Variants in ZNF550 observed in about 807,000 individuals in gnomAD.
The protein encoded by ZNF550 is zinc finger protein 550.
In ZNF550, 42 loss-of-function variants were observed where a neutral mutation model predicts 40.2. The ratio of observed to expected loss-of-function variants is 1.05; its 90% CI spans 0.82 to 1.35. The LOEUF is 1.35. ZNF550 is among the 40% of genes most tolerant of loss of function. The probability of loss-of-function intolerance (pLI) is 0.00; values close to 1 mark genes in which losing one functional copy is unlikely to be tolerated. For synonymous variants in ZNF550, 223 were observed against 198.6 expected (o/e 1.12, Z -1.03); for missense variants, 549 against 525.2 (o/e 1.05, Z -0.44).
At chr19:57,550,782 A>G (rs1310476093) in intron 3 of ZNF550, among the ~76,000 whole-genome samples, 2 of 152,244 alleles carry the variant, frequency 1.3e-5, no homozygotes, top group South Asian at 4.1e-4. Context: ...TATTGTATAC[A>G]TAAGATTTTT....
chr19:57,547,629 G>C, exon 4 of ZNF550: 1 of 1,614,186 alleles, frequency 6.2e-7, no homozygotes. Context: ...CACACTGCTT[G>C]CATTTGTAGG....
intron 2 of ZNF550, 73 bp downstream of exon 2, chr19:57,556,158 G>C (rs190693691): frequency 6.2e-4 from 998 of 1,603,298 alleles, no homozygotes; most frequent in Non-Finnish European, 8.2e-4. Context: ...AAGGTGGGCA[G>C]TTCCAGTGAC....
chr19:57,547,647 C>G (rs1489799420), exon 4 of ZNF550: 5 of 1,614,024 alleles, frequency 3.1e-6, no homozygotes, highest in Non-Finnish European at 4.2e-6. Flanking sequence ...AGGGGTTTGT[C>G]CCTGCATGAA....
chr19:57,551,500 G>C (rs1410329355), intron 3 of ZNF550, among the ~76,000 whole-genome samples: 1 of 152,190 alleles, frequency 6.6e-6, no homozygotes, highest in Admixed American at 6.5e-5. Context: ...AAAATGAGCA[G>C]GACTAGGGAT....
At chr19:57,544,738 T>C in intron 4 of ZNF550, among the ~76,000 whole-genome samples, 1 of 152,192 alleles carries the variant, frequency 6.6e-6, no homozygotes, top group East Asian at 1.9e-4. Context: ...AGTGAGAAAA[T>C]GATAATTTTC....
At chr19:57,555,954 T>C in intron 2 of ZNF550, 2 of 410,770 alleles carry the variant, frequency 4.9e-6, no homozygotes, top group Non-Finnish European at 9.2e-6. Flanking sequence ...TTAATAGGGC[T>C]GTGGCCACAG....
intron 1 of ZNF550, 50 bp downstream of exon 1, chr19:57,559,606 C>G (rs1487656227): frequency 1.4e-6 from 2 of 1,450,930 alleles, no homozygotes; most frequent in South Asian, 1.3e-5. Context: ...CTCGTCGGGC[C>G]CGGGACACTG....
Position 57,555,664 on chromosome 19 carries a change from G to A in ZNF550, c.154+567C>T, listed in dbSNP as rs142327669. ...TGAGACTTTTATGACAAGAATTAGC[G>A]TGCTGGACAGAGAAAGTAAAAGGAA... On this transcript the variant is annotated intron_variant, in intron 2 of 4. Coordinates refer to ENST00000457177, the Ensembl canonical transcript of ZNF550. 2.2e-3 allele frequency: 359 copies of A among 161,522 alleles called. 4 individuals are homozygous for A. The highest frequency in any genetic ancestry group is 8.2e-3 in the African/African-American group (339 of 41,588). The allele number at this position is 161,522 out of a possible 1,614,324, so 10.0% of individuals were successfully genotyped here. A position where few individuals can be genotyped will look rare whatever the true frequency, so the allele number is the denominator to read the frequency against.
intron 4 of ZNF550, chr19:57,546,344 ATGTT>A (rs2090009034): frequency 7.1e-6 from 2 of 283,324 alleles, no homozygotes; most frequent in Non-Finnish European, 1.1e-5. Context: ...CAGTGAATGT[ATGTT>A]AAAAAAAAAA....
chr19:57,557,246 C>T (rs935255856), intron 1 of ZNF550: 13 of 151,862 alleles, frequency 8.6e-5, no homozygotes, highest in African/African-American at 3.1e-4. Context: ...GTGTAAAACC[C>T]GAGCGTACAT....
At chr19:57,551,476 G>A (rs1330069727) in intron 3 of ZNF550, among the ~76,000 whole-genome samples, 1 of 141,474 alleles carries the variant, frequency 7.1e-6, no homozygotes. Flanking sequence ...GGACTTAGGA[G>A]ATATGGATCA....
upstream of ZNF550, among the ~76,000 whole-genome samples, chr19:57,560,062 A>T (rs1223711477): frequency 6.6e-6 from 1 of 152,136 alleles, no homozygotes; most frequent in African/African-American, 2.4e-5. Flanking sequence ...ACTTCCTATT[A>T]TTCGGATGCC....
In ZNF550 at chr19:57,556,368, A is replaced by G. The variant is rs1454298477; in HGVS notation, c.28-11T>C. ...GAAGGTCACCAACATCTGGAAAGTCAAACAGAAGTAATGCTATTGGCCTTG... is the reference window on the plus strand; with the variant it reads ...GAAGGTCACCAACATCTGGAAAGTCGAACAGAAGTAATGCTATTGGCCTTG... On this transcript the variant is annotated splice_polypyrimidine_tract_variant and intron_variant, in intron 1 of 4. Coordinates refer to ENST00000457177, the Ensembl canonical transcript of ZNF550. 1 of 1,610,980 alleles carries G rather than the reference A, an allele frequency of 6.2e-7. No homozygotes were observed. Among genetic ancestry groups the G allele is most frequent in the South Asian group, 1.1e-5 (1 of 90,730 alleles).
chr19:57,544,493 C>T, intron 4 of ZNF550: 2 of 985,436 alleles, frequency 2.0e-6, no homozygotes, highest in Non-Finnish European at 2.4e-6. Flanking sequence ...AGCTACAATA[C>T]ATGCAGCCTT....
intron 1 of ZNF550, among the ~76,000 whole-genome samples, chr19:57,559,309 G>T (rs1599901749): frequency 6.6e-6 from 1 of 152,184 alleles, no homozygotes. Flanking sequence ...GCGCAAAAAT[G>T]AAGGACGAGG....
In ZNF550 at chr19:57,554,157, G is replaced by A. The variant is rs2090099339; in HGVS notation, c.155-1435C>T. 6.6e-6 allele frequency: 1 copy of A among 152,156 alleles called. No individual in the cohort carries two copies. The highest frequency in any genetic ancestry group is 2.1e-4 in the South Asian group (1 of 4,826). 9.4% of individuals were successfully genotyped at this position (152,156 alleles called of 1,614,324 possible). ...CATGGCACTGCACTTCAGCCTGAAT[G>A]ACAGAGCAAGACTCCATCTCAAAAA... On this transcript the variant is annotated intron_variant, in intron 2 of 4. Coordinates refer to ENST00000457177, the Ensembl canonical transcript of ZNF550. This position sits in a 1 kb window ranked among gnomAD's most constrained non-coding sequence, Gnocchi z 4.5.
chr19:57,542,089 A>AG (rs780443791), exon 5 of ZNF550: 1 of 152,084 alleles, frequency 6.6e-6, no homozygotes, highest in Non-Finnish European at 1.5e-5. Context: ...TTGACAGAAG[A>AG]GGAAAAACAA....
exon 4 of ZNF550, chr19:57,547,100 G>A (rs766687703): frequency 1.7e-5 from 27 of 1,613,702 alleles, no homozygotes; most frequent in Admixed American, 6.7e-5. Context: ...TACGTGCTCC[G>A]GTGAAAGGCT....
exon 4 of ZNF550, chr19:57,547,371 T>C (rs10410631): frequency 0.47 from 751,700 of 1,613,210 alleles, 176,540 homozygotes; most frequent in Admixed American, 0.55. Context: ...CCTTTCGACA[T>C]TGACTACACT....
Sources: gnomAD v4.1 joint callset for allele counts (sites outside exome capture counted in the v4.1 genomes callset) on GRCh38, gnomAD v4.1.1 for gene constraint, Gnocchi (gnomAD v3.1) non-coding constraint, MANE v1.5 for transcripts, NCBI Gene and HGNC (gene_info 2026-07-23, HGNC 2026-07-21) for gene names.